SYNPR: variants seen among roughly 807,000 people sequenced by gnomAD.
SYNPR encodes synaptoporin.
A neutral mutation model predicts 32.9 loss-of-function variants in SYNPR; 23 were observed. That is an observed-to-expected ratio of 0.70 (90% CI 0.50 to 0.99). SYNPR has a LOEUF of 0.99. SYNPR is among the 50% of genes least tolerant of loss of function. SYNPR has a pLI of 0.00. For missense variants in SYNPR, 318 were observed against 349.3 expected (o/e 0.91, Z 0.71); for synonymous variants, 146 against 135.9 (o/e 1.07, Z -0.52).
intron 2 of SYNPR, among the ~76,000 whole-genome samples, chr3:63,382,208 G>C (rs977508558): frequency 9.8e-5 from 15 of 152,330 alleles, no homozygotes; most frequent in Middle Eastern, 3.4e-3. Context: ...TTACTGCTGA[G>C]TGTGGATGGA....
At chr3:63,604,282 T>C (rs929239027) in intron 4 of SYNPR, among the ~76,000 whole-genome samples, 12 of 152,200 alleles carry the variant, frequency 7.9e-5, no homozygotes, top group African/African-American at 2.4e-4. Context: ...TTATTAATTC[T>C]TTCAAAAAAC....
In SYNPR at chr3:63,556,799, T is replaced by C. The variant is rs1391930293; in HGVS notation, c.408+58T>C. ...TGTTCCTTCTAATTTCTTTTACTAATGCTTGAAGGACTTTGGAGTTACCTG... is the reference window on the plus strand; with the variant it reads ...TGTTCCTTCTAATTTCTTTTACTAACGCTTGAAGGACTTTGGAGTTACCTG... On this transcript the variant is annotated intron_variant, in intron 4 of 5. Coordinates refer to ENST00000478300, the MANE Select transcript of SYNPR (RefSeq NM_001130003.2). The C allele has an allele frequency of 1.4e-5, 21 of 1,495,606 alleles. No individual in the cohort carries two copies. The East Asian group carries it at 4.3e-4, about 31-fold the overall frequency. 92.6% of individuals were successfully genotyped at this position (1,495,606 alleles called of 1,614,324 possible).
intron 2 of SYNPR, among the ~76,000 whole-genome samples, chr3:63,392,318 G>A (rs373128419): frequency 4.6e-5 from 7 of 152,092 alleles, no homozygotes; most frequent in African/African-American, 7.2e-5. Context: ...CTCAGGTTAC[G>A]CCATTGTACA....
intron 2 of SYNPR, among the ~76,000 whole-genome samples, chr3:63,320,019 G>T (rs1290622325): frequency 6.6e-6 from 1 of 151,918 alleles, no homozygotes; most frequent in Admixed American, 6.6e-5. Flanking sequence ...GTATAATCAT[G>T]GTTCACTGCG....
chr3:63,292,887 G>C (rs2086754279), intron 2 of SYNPR, among the ~76,000 whole-genome samples: 1 of 152,178 alleles, frequency 6.6e-6, no homozygotes, highest in Non-Finnish European at 1.5e-5. Context: ...AGTAAAATTA[G>C]GCAGGTGTGG....
chr3:63,489,445 C>G (rs1169027919), intron 3 of SYNPR, among the ~76,000 whole-genome samples: 2 of 152,144 alleles, frequency 1.3e-5, no homozygotes, highest in Non-Finnish European at 2.9e-5. Context: ...ATGGTGAGAA[C>G]AAGAGAGATA....
intron 5 of SYNPR, among the ~76,000 whole-genome samples, chr3:63,614,807 T>C (rs1442404760): frequency 6.6e-6 from 1 of 152,194 alleles, no homozygotes; most frequent in Non-Finnish European, 1.5e-5. Context: ...GAAATAATCT[T>C]ACACACCATG....
At chr3:63,330,451 CT>C (rs35955925) in intron 2 of SYNPR, among the ~76,000 whole-genome samples, 2 of 151,144 alleles carry the variant, frequency 1.3e-5, no homozygotes, top group African/African-American at 2.4e-5. Flanking sequence ...TGTCTCCCCT[CT>C]TTTTTTTATT....
chr3:63,389,718 G>C lies in SYNPR; in HGVS notation c.85-91114G>C, dbSNP rs371264554. On this transcript the variant is annotated intron_variant, in intron 2 of 5. Transcript: ENST00000478300. ...TGCTGCCACCATAAAATGGATAAAC[G>C]AATGTCAAGAACACCTGGCATGTAC... Among the ~76,000 whole-genome samples, 7 of 152,300 alleles carry C rather than the reference G, an allele frequency of 4.6e-5. No individual in the cohort carries two copies. The South Asian group carries it at 1.4e-3, about 32-fold the overall frequency.
intron 2 of SYNPR, among the ~76,000 whole-genome samples, chr3:63,410,153 T>G (rs2107116528): frequency 6.6e-6 from 1 of 152,338 alleles, no homozygotes; most frequent in Admixed American, 6.5e-5. Context: ...ACTTATCCAT[T>G]TATTCATTCA....
chr3:63,570,429 A>G (rs193099254), intron 4 of SYNPR, among the ~76,000 whole-genome samples: 1 of 152,314 alleles, frequency 6.6e-6, no homozygotes, highest in African/African-American at 2.4e-5. Context: ...CATGCTCTTC[A>G]GAGCTATCTC....
chr3:63,585,767 T>G (rs1234790631), intron 4 of SYNPR, among the ~76,000 whole-genome samples: 1 of 152,140 alleles, frequency 6.6e-6, no homozygotes, highest in Non-Finnish European at 1.5e-5. Context: ...TTATTACTTT[T>G]TAATTCTTGC....
intron 4 of SYNPR, among the ~76,000 whole-genome samples, chr3:63,607,488 C>G (rs889538245): frequency 3.9e-5 from 6 of 152,080 alleles, no homozygotes; most frequent in Non-Finnish European, 5.9e-5. Context: ...GTTTATACCT[C>G]TACCTCATCT....
At chr3:63,608,843 G>A (rs1035429663) in intron 4 of SYNPR, among the ~76,000 whole-genome samples, 11 of 152,178 alleles carry the variant, frequency 7.2e-5, no homozygotes, top group Non-Finnish European at 1.3e-4. Context: ...TTACAGGGAT[G>A]TTGTAGGAAC....
intron 2 of SYNPR, among the ~76,000 whole-genome samples, chr3:63,440,818 C>G (rs1280625714): frequency 1.3e-5 from 2 of 152,158 alleles, no homozygotes; most frequent in African/African-American, 4.8e-5. Flanking sequence ...CTCATACCTC[C>G]TATCTTCCCA....
intron 3 of SYNPR, among the ~76,000 whole-genome samples, chr3:63,494,994 C>T (rs899918991): frequency 2.6e-5 from 4 of 152,158 alleles, no homozygotes; most frequent in Non-Finnish European, 5.9e-5. Flanking sequence ...TTCCTTGGGA[C>T]TCAGAATCAC....
chr3:63,561,881 T>C (rs1354962531), intron 4 of SYNPR, among the ~76,000 whole-genome samples: 2 of 152,202 alleles, frequency 1.3e-5, no homozygotes, highest in African/African-American at 4.8e-5. Context: ...AAAAATTTTT[T>C]CTACTGAATA....
chr3:63,443,475 T>C, intron 2 of SYNPR: 1 of 1,605,914 alleles, frequency 6.2e-7, no homozygotes, highest in Non-Finnish European at 8.5e-7. Context: ...CTCCGGTAAG[T>C]TTACAGCTAT....
In SYNPR at chr3:63,479,446, G is replaced by GCGCGCGCACACACA. The variant is rs6147854; in HGVS notation, c.85-1385_85-1384insGCGCGCACACACAC. On this transcript the variant is annotated intron_variant, in intron 2 of 5. Coordinates refer to ENST00000478300, the MANE Select transcript of SYNPR (RefSeq NM_001130003.2). ...AGTCACTTAAAACTGCCACACACAT[G>GCGCGCGCACACACA]CACACACACATACACACACACACAC... 2.3e-3 allele frequency among the ~76,000 whole-genome samples: 319 copies of GCGCGCGCACACACA among 135,836 alleles called. 6 individuals are homozygous for GCGCGCGCACACACA. Among genetic ancestry groups the GCGCGCGCACACACA allele is most frequent in the Admixed American group, 0.011 (157 of 14,312 alleles). The allele number at this position is 135,836 out of a possible 152,430, so 89.1% of individuals were successfully genotyped here. A position where few individuals can be genotyped will look rare whatever the true frequency, so the allele number is the denominator to read the frequency against.
Sources: allele counts gnomAD v4.1 joint callset (sites outside exome capture counted in the v4.1 genomes callset), GRCh38; gene constraint gnomAD v4.1.1; transcripts MANE v1.5; gene names NCBI Gene and HGNC (gene_info 2026-07-23, HGNC 2026-07-21).